Variants in KCNMA1 observed in about 807,000 individuals in gnomAD.
KCNMA1 encodes the protein Calcium-activated potassium channel subunit alpha-1.
A neutral mutation model predicts 140.0 loss-of-function variants in KCNMA1; 29 were observed. The observed-to-expected ratio is 0.21, with a 90% confidence interval of 0.15 to 0.28. The LOEUF (loss-of-function observed/expected upper bound fraction) is 0.28. Among genes scored for constraint, KCNMA1 ranks in the 10% least tolerant of loss-of-function variants. The pLI, the probability that KCNMA1 is intolerant of heterozygous loss-of-function variation, is 1.00. For synonymous variants in KCNMA1, 612 were observed against 611.9 expected (o/e 1.00, Z 0.00); for missense variants, 880 against 1,602.2 (o/e 0.55, Z 7.70).
chr10:77,527,398 G>A (rs1274226035), intron 1 of KCNMA1, among the ~76,000 whole-genome samples: 1 of 152,220 alleles, frequency 6.6e-6, no homozygotes, highest in African/African-American at 2.4e-5. Flanking sequence ...ATCTGTGGGG[G>A]CTGCTTACAC....
chr10:77,084,854 A>G (rs1470113219), intron 11 of KCNMA1, 135 bp from the exon 12 acceptor site: 10 of 686,860 alleles, frequency 1.5e-5, no homozygotes, highest in Admixed American at 2.4e-5. Flanking sequence ...AGCCTGAGAG[A>G]TTATAGTTTT....
chr10:77,081,606 C>A (rs1002563548), intron 12 of KCNMA1, among the ~76,000 whole-genome samples: 20 of 152,132 alleles, frequency 1.3e-4, no homozygotes, highest in African/African-American at 4.8e-4. Flanking sequence ...CTGCAACGTA[C>A]GAATTTAGGA....
chr10:77,521,779 AC>A (rs768632732), intron 1 of KCNMA1, among the ~76,000 whole-genome samples: 60 of 151,940 alleles, frequency 3.9e-4, no homozygotes, highest in Non-Finnish European at 6.9e-4. Context: ...CCAGTTTCTC[AC>A]CCCATCTCCC....
chr10:77,007,631 T>C (rs565187171), intron 18 of KCNMA1, among the ~76,000 whole-genome samples: 1 of 82,250 alleles, frequency 1.2e-5, no homozygotes, highest in South Asian at 4.0e-4. Context: ...CTCTGATACA[T>C]CATGGTACAT....
chr10:77,302,853 G>A (rs2076857609), intron 2 of KCNMA1, among the ~76,000 whole-genome samples: 3 of 152,142 alleles, frequency 2.0e-5, no homozygotes, highest in Admixed American at 6.5e-5. Context: ...CATGCCAAAT[G>A]GGAAGAGAGG....
At chr10:77,025,745 G>T (rs1213537702) in intron 16 of KCNMA1, among the ~76,000 whole-genome samples, 1 of 151,896 alleles carries the variant, frequency 6.6e-6, no homozygotes, top group Non-Finnish European at 1.5e-5. Context: ...TTTAAATAAA[G>T]AAAAACATTA....
chr10:76,952,249 A>T, intron 21 of KCNMA1: 2 of 1,412,388 alleles, frequency 1.4e-6, no homozygotes, highest in Non-Finnish European at 1.9e-6. Context: ...GGCTGGGTGC[A>T]GTGACTCACG....
At chr10:76,996,286 A>G (rs2084296886) in intron 19 of KCNMA1, among the ~76,000 whole-genome samples, 1 of 152,246 alleles carries the variant, frequency 6.6e-6, no homozygotes, top group Non-Finnish European at 1.5e-5. Flanking sequence ...GAGTGAGCTA[A>G]GGCCCACAGT....
chr10:77,470,361 T>C lies in KCNMA1; in HGVS notation c.379-66338A>G, dbSNP rs552002546. Among the ~76,000 whole-genome samples, 654 of 152,246 alleles carry C rather than the reference T, an allele frequency of 4.3e-3. 3 individuals are homozygous for C. The highest frequency in any genetic ancestry group is 6.8e-3 in the Middle Eastern group (2 of 294). On this transcript the variant is annotated intron_variant, in intron 1 of 27. Transcript: ENST00000286628. ...GAAACGTGTCACTAAAGCTGCTTAC[T>C]GTGTGCCGCAAAGGGAAGACTCCGG...
chr10:77,131,152 T>A (rs2097849934), intron 5 of KCNMA1, among the ~76,000 whole-genome samples: 1 of 152,090 alleles, frequency 6.6e-6, no homozygotes, highest in Non-Finnish European at 1.5e-5. Flanking sequence ...ATATCCTGAG[T>A]AAACTGTAAC....
At chr10:77,196,516 C>T (rs965719131) in intron 3 of KCNMA1, among the ~76,000 whole-genome samples, 3 of 151,954 alleles carry the variant, frequency 2.0e-5, no homozygotes. Context: ...TACTGGTTAC[C>T]AAAAGAACAT....
chr10:77,475,367 G>T (rs2098256343), intron 1 of KCNMA1, among the ~76,000 whole-genome samples: 1 of 152,194 alleles, frequency 6.6e-6, no homozygotes, highest in African/African-American at 2.4e-5. Flanking sequence ...AAACCTAGGT[G>T]CCACATTACT....
chr10:76,962,963 G>A (rs527515937), intron 20 of KCNMA1, among the ~76,000 whole-genome samples: 1 of 152,198 alleles, frequency 6.6e-6, no homozygotes, highest in African/African-American at 2.4e-5. Flanking sequence ...TCATTTACAG[G>A]GACTGCGTAT....
At chr10:76,944,646 G>A (rs2063447530) in intron 23 of KCNMA1, 127 bp downstream of exon 23, 1 of 830,932 alleles carries the variant, frequency 1.2e-6, no homozygotes, top group Non-Finnish European at 2.0e-6. Flanking sequence ...AGCCATCATG[G>A]TGACCGCAGG....
chr10:76,895,632 G>A (rs1468215623), intron 25 of KCNMA1, among the ~76,000 whole-genome samples: 2 of 152,168 alleles, frequency 1.3e-5, no homozygotes, highest in African/African-American at 4.8e-5. Flanking sequence ...AATGATACAT[G>A]CTACAACATG....
chr10:77,541,108 A>G (rs2060086494), intron 1 of KCNMA1, among the ~76,000 whole-genome samples: 1 of 152,206 alleles, frequency 6.6e-6, no homozygotes, highest in African/African-American at 2.4e-5. Flanking sequence ...CTTTAATATA[A>G]GACAGGAAAG....
intron 1 of KCNMA1, chr10:77,587,182 T>C (rs2077487498): frequency 6.6e-6 from 1 of 152,074 alleles, no homozygotes; most frequent in African/African-American, 2.4e-5. Flanking sequence ...AGTTTGAACT[T>C]ATTCTTCCTG....
intron 2 of KCNMA1, among the ~76,000 whole-genome samples, chr10:77,278,274 A>G (rs1389261270): frequency 6.6e-6 from 1 of 152,242 alleles, no homozygotes; most frequent in African/African-American, 2.4e-5. Context: ...GACAAAATAA[A>G]TGCCCAACAG....
intron 1 of KCNMA1, among the ~76,000 whole-genome samples, chr10:77,564,159 A>C (rs942929843): frequency 2.0e-5 from 3 of 152,262 alleles, no homozygotes; most frequent in African/African-American, 7.2e-5. Flanking sequence ...AAGAACAGAG[A>C]TGAGGATTCA....
Sources: gnomAD v4.1 joint callset for allele counts (sites outside exome capture counted in the v4.1 genomes callset) on GRCh38, gnomAD v4.1.1 for gene constraint, MANE v1.5 for transcripts, NCBI Gene and HGNC (gene_info 2026-07-23, HGNC 2026-07-21) for gene names.